CADPS2: variants seen among roughly 807,000 people sequenced by gnomAD.
The protein encoded by CADPS2 is calcium dependent secretion activator 2.
Under a neutral mutation model 172.5 loss-of-function variants are expected in CADPS2, and 93 were observed. The ratio of observed to expected loss-of-function variants is 0.54; its 90% CI spans 0.46 to 0.64. CADPS2 has a LOEUF of 0.64. Ranked by LOEUF, CADPS2 falls within the 30% of genes least tolerant of loss-of-function variation. CADPS2 has a pLI of 0.00. For missense variants in CADPS2, 1,420 were observed against 1,565.9 expected (o/e 0.91, Z 1.57); for synonymous variants, 546 against 555.2 (o/e 0.98, Z 0.23).
chr7:122,675,673 T>C (rs1233753368), intron 2 of CADPS2, among the ~76,000 whole-genome samples: 1 of 152,072 alleles, frequency 6.6e-6, no homozygotes, highest in Non-Finnish European at 1.5e-5. Context: ...TCTGCAGGAA[T>C]GTGGACGAAG....
At chr7:122,682,558 G>A (rs1363842222) in intron 2 of CADPS2, among the ~76,000 whole-genome samples, 1 of 152,068 alleles carries the variant, frequency 6.6e-6, no homozygotes, top group African/African-American at 2.4e-5. Context: ...TATATCTAAT[G>A]TTGAATAAAT....
At chr7:122,351,356 G>C (rs950046830) in intron 27 of CADPS2, among the ~76,000 whole-genome samples, 3 of 59,022 alleles carry the variant, frequency 5.1e-5, no homozygotes, top group Non-Finnish European at 8.9e-5. Flanking sequence ...CTGGGTGACA[G>C]AGCGAGACTC....
intron 1 of CADPS2, among the ~76,000 whole-genome samples, chr7:122,772,728 A>G (rs1050821792): frequency 6.6e-6 from 1 of 152,178 alleles, no homozygotes; most frequent in Non-Finnish European, 1.5e-5. Context: ...GAGACATACC[A>G]TATGTTTCTA....
chr7:122,562,445 CA>C (rs1283344525), intron 7 of CADPS2, among the ~76,000 whole-genome samples: 2 of 152,134 alleles, frequency 1.3e-5, no homozygotes, highest in Non-Finnish European at 2.9e-5. Flanking sequence ...CAAAACAAAA[CA>C]CACAACAAAC....
intron 6 of CADPS2, among the ~76,000 whole-genome samples, chr7:122,593,169 A>G (rs1014524787): frequency 2.0e-5 from 3 of 152,004 alleles, no homozygotes; most frequent in Non-Finnish European, 4.4e-5. Flanking sequence ...CATTTAAGAC[A>G]TCAAACTATA....
intron 1 of CADPS2, among the ~76,000 whole-genome samples, chr7:122,831,314 C>T (rs2140596519): frequency 6.6e-6 from 1 of 152,308 alleles, no homozygotes; most frequent in South Asian, 2.1e-4. Flanking sequence ...ATTACTGGTG[C>T]TGTCATTTGG....
At chr7:122,723,061 T>G (rs1437977009) in intron 2 of CADPS2, among the ~76,000 whole-genome samples, 2 of 152,012 alleles carry the variant, frequency 1.3e-5, no homozygotes, top group Non-Finnish European at 2.9e-5. Context: ...ATGTTAGACT[T>G]AAAACCATAA....
chr7:122,414,122 G>A, intron 18 of CADPS2, 46 bp from the exon 19 acceptor site: 2 of 1,435,126 alleles, frequency 1.4e-6, no homozygotes, highest in Non-Finnish European at 1.8e-6. Context: ...TAGAACAATT[G>A]CCATAGTGTT....
intron 1 of CADPS2, among the ~76,000 whole-genome samples, chr7:122,755,368 T>G (rs892782216): frequency 1.3e-5 from 2 of 152,176 alleles, no homozygotes; most frequent in Non-Finnish European, 2.9e-5. Flanking sequence ...TGAACTAAAG[T>G]CATGCAATGA....
chr7:122,783,648 A>T (rs1793339442), intron 1 of CADPS2, among the ~76,000 whole-genome samples: 1 of 152,234 alleles, frequency 6.6e-6, no homozygotes. Context: ...CACGGCCCCA[A>T]TCAGCTAGTG....
chr7:122,702,805 T>A (rs980959698), intron 2 of CADPS2: 1 of 1,308,744 alleles, frequency 7.6e-7, no homozygotes, highest in Non-Finnish European at 1.0e-6. Context: ...ACATCAGTTG[T>A]AGAAGAACAT....
chr7:122,779,532 A>C (rs987394194), intron 1 of CADPS2, among the ~76,000 whole-genome samples: 1 of 152,206 alleles, frequency 6.6e-6, no homozygotes, highest in Non-Finnish European at 1.5e-5. Context: ...AAGGGCAGAA[A>C]AATAAATTCT....
At chr7:122,773,217 G>A (rs1014270441) in intron 1 of CADPS2, among the ~76,000 whole-genome samples, 2 of 152,010 alleles carry the variant, frequency 1.3e-5, no homozygotes, top group African/African-American at 4.8e-5. Flanking sequence ...AGGACACGGT[G>A]ATATGGAAAC....
intron 24 of CADPS2, 35 bp from the exon 25 acceptor site, chr7:122,379,477 A>G: frequency 7.1e-7 from 1 of 1,399,238 alleles, no homozygotes; most frequent in South Asian, 1.2e-5. Flanking sequence ...ATTAGTTGAC[A>G]TGGACACAAA....
intron 3 of CADPS2, among the ~76,000 whole-genome samples, chr7:122,649,562 C>T (rs1254978982): frequency 6.6e-6 from 1 of 152,056 alleles, no homozygotes; most frequent in Non-Finnish European, 1.5e-5. Context: ...GAGGTGAGGC[C>T]CAAGTATTAA....
intron 14 of CADPS2, among the ~76,000 whole-genome samples, chr7:122,471,045 T>G (rs943553086): frequency 6.6e-6 from 1 of 152,178 alleles, no homozygotes; most frequent in Non-Finnish European, 1.5e-5. Flanking sequence ...GGCACAGGTA[T>G]GCATTACAAT....
At chr7:122,702,015 CTTT>C in intron 2 of CADPS2, 2 of 1,613,716 alleles carry the variant, frequency 1.2e-6, no homozygotes, top group African/African-American at 1.3e-5. Context: ...TCATCCCCTT[CTTT>C]GAGAACTCGC....
intron 1 of CADPS2, among the ~76,000 whole-genome samples, chr7:122,840,987 T>C (rs1395472580): frequency 6.6e-6 from 1 of 152,162 alleles, no homozygotes; most frequent in Non-Finnish European, 1.5e-5. Context: ...ATGCTTAAAC[T>C]GAGCAAGAGT....
chr7:122,582,698 TG>T (rs2069008891), intron 6 of CADPS2, among the ~76,000 whole-genome samples: 1 of 152,112 alleles, frequency 6.6e-6, no homozygotes, highest in Non-Finnish European at 1.5e-5. Flanking sequence ...GTTAACAGCC[TG>T]GGAGCTAATT....
Sources: allele counts gnomAD v4.1 joint callset (sites outside exome capture counted in the v4.1 genomes callset), GRCh38; gene constraint gnomAD v4.1.1; transcripts MANE v1.5; gene names NCBI Gene and HGNC (gene_info 2026-07-23, HGNC 2026-07-21).